The following DLGAP2 variants were observed in gnomAD, a reference collection of about 807,000 sequenced individuals.
DLGAP2 encodes the protein disks large-associated protein 2.
In DLGAP2, 26 loss-of-function variants were observed where a neutral mutation model predicts 100.3. The ratio of observed to expected loss-of-function variants is 0.26; its 90% CI spans 0.19 to 0.36. DLGAP2 has a LOEUF of 0.36. Ranked by LOEUF, DLGAP2 falls within the 10% of genes least tolerant of loss-of-function variation. The probability of loss-of-function intolerance (pLI) is 1.00; values close to 1 mark genes in which losing one functional copy is unlikely to be tolerated. For synonymous variants in DLGAP2, 886 were observed against 630.1 expected, an observed-to-expected ratio of 1.41 and a Z score of -6.08; for missense variants, 1,858 against 1,453.2, an observed-to-expected ratio of 1.28 and a Z score of -4.53.
At chr8:776,788 A>G (rs528951884) in intron 1 of DLGAP2, among the ~76,000 whole-genome samples, 1 of 152,168 alleles carries the variant, frequency 6.6e-6, no homozygotes, top group South Asian at 2.1e-4. Flanking sequence ...TCAGTTTTGG[A>G]ATAGGTGTGG....
chr8:1,668,898 G>T (rs749376798), intron 9 of DLGAP2, among the ~76,000 whole-genome samples: 1 of 152,128 alleles, frequency 6.6e-6, no homozygotes, highest in Non-Finnish European at 1.5e-5. Context: ...CCAGTGCAGG[G>T]CTGAAGGAAA....
chr8:812,997 C>T (rs796435431), intron 1 of DLGAP2, among the ~76,000 whole-genome samples: 15 of 152,216 alleles, frequency 9.9e-5, no homozygotes, highest in South Asian at 4.2e-4. Context: ...GGCTGTGTGT[C>T]GTGTAAGTGA....
intron 3 of DLGAP2, among the ~76,000 whole-genome samples, chr8:1,432,354 A>G (rs1797476718): frequency 6.6e-6 from 1 of 152,246 alleles, no homozygotes; most frequent in African/African-American, 2.4e-5. Context: ...CCTTAAAAAA[A>G]TAATGGTAGA....
chr8:980,453 C>G (rs887256849), intron 2 of DLGAP2, among the ~76,000 whole-genome samples: 16 of 152,216 alleles, frequency 1.1e-4, no homozygotes, highest in African/African-American at 3.9e-4. Flanking sequence ...ACAATTGAGC[C>G]AAGTTTCCAT....
intron 2 of DLGAP2, among the ~76,000 whole-genome samples, chr8:1,220,433 T>C (rs1483774893): frequency 6.7e-6 from 1 of 148,176 alleles, no homozygotes; most frequent in East Asian, 2.0e-4. Flanking sequence ...TTCTTGGTGT[T>C]GATCTCTGTT....
At position 1,548,681 on chromosome 8, in the gene DLGAP2, C is replaced by T. The variant is rs755676719; in HGVS notation, c.228C>T (p.Pro76=). The change falls in exon 5 of 15, where the codon CCC becomes CCT. Residue 76 remains proline, a synonymous_variant. Transcript: ENST00000637795. ...ACTTCAATGAGGAGCGCTACTCGCC[C>T]GCGCCCAGGAGCATGAAGGGCCTTT... ...TQHFNEERYS[P]APRSMKGLSG... 1.9e-6 allele frequency: 3 copies of T among 1,601,818 alleles called. No homozygotes were observed. The highest frequency in any genetic ancestry group is 2.2e-5 in the East Asian group (1 of 44,564).
intron 1 of DLGAP2, among the ~76,000 whole-genome samples, chr8:805,419 G>A (rs369993295): frequency 6.6e-6 from 1 of 152,050 alleles, no homozygotes; most frequent in East Asian, 1.9e-4. Flanking sequence ...CATCTTTGGG[G>A]CCACTACGTT....
chr8:1,313,843 C>G (rs1170698743), intron 3 of DLGAP2, among the ~76,000 whole-genome samples: 2 of 152,068 alleles, frequency 1.3e-5, no homozygotes, highest in African/African-American at 4.8e-5. Context: ...TGATAACCAT[C>G]CCCCTCTCAT....
chr8:1,511,459 G>A lies in DLGAP2; in HGVS notation c.172+10028G>A, dbSNP rs371059565. ...GATGACCATCTTCCATGGACGTAAG[G>A]GCTGTCTAGTGTAGGACAATCAATA... On this transcript the variant is annotated intron_variant, in intron 4 of 14. Coordinates refer to ENST00000637795, the MANE Select transcript of DLGAP2 (RefSeq NM_001346810.2). 4.0e-5 allele frequency among the ~76,000 whole-genome samples: 6 copies of A among 149,128 alleles called. No individual in the cohort carries two copies. The East Asian group carries it at 8.1e-4, about 20-fold the overall frequency.
chr8:1,245,428 A>C (rs901572438), intron 2 of DLGAP2, among the ~76,000 whole-genome samples: 1 of 152,226 alleles, frequency 6.6e-6, no homozygotes, highest in African/African-American at 2.4e-5. Context: ...GGAATGGAGC[A>C]CCGATGCATG....
chr8:985,293 T>C (rs1800454160), intron 2 of DLGAP2, among the ~76,000 whole-genome samples: 1 of 152,224 alleles, frequency 6.6e-6, no homozygotes. Flanking sequence ...CGGTCTCATG[T>C]AGAATGCTCA....
intron 2 of DLGAP2, among the ~76,000 whole-genome samples, chr8:1,005,271 A>G (rs1358331614): frequency 6.6e-6 from 1 of 152,144 alleles, no homozygotes; most frequent in African/African-American, 2.4e-5. Flanking sequence ...TCTTGGAGTG[A>G]ATCAGCCTTC....
intron 3 of DLGAP2, among the ~76,000 whole-genome samples, chr8:1,476,625 C>G (rs113563645): frequency 2.0e-5 from 3 of 152,190 alleles, no homozygotes; most frequent in Admixed American, 2.0e-4. Flanking sequence ...GTCTCTCCCC[C>G]TCTCCTGGAG....
At chr8:822,226 G>A in intron 1 of DLGAP2, 1 of 399,376 alleles carries the variant, frequency 2.5e-6, no homozygotes. Flanking sequence ...CTTCCTGTGT[G>A]TGTCCGTCTT....
chr8:1,049,115 T>C (rs1439371798), intron 2 of DLGAP2, among the ~76,000 whole-genome samples: 1 of 152,234 alleles, frequency 6.6e-6, no homozygotes, highest in Non-Finnish European at 1.5e-5. Context: ...GGGAAGCATC[T>C]TGTGGCGGGC....
chr8:1,030,951 C>T (rs1394005147), intron 2 of DLGAP2, among the ~76,000 whole-genome samples: 1 of 151,556 alleles, frequency 6.6e-6, no homozygotes, highest in South Asian at 2.1e-4. Flanking sequence ...GTGTCAGATC[C>T]ACACCGACTT....
intron 2 of DLGAP2, among the ~76,000 whole-genome samples, chr8:1,099,556 G>A (rs534793736): frequency 6.6e-6 from 1 of 152,356 alleles, no homozygotes; most frequent in South Asian, 2.1e-4. Flanking sequence ...GAGGGACTTC[G>A]TCCCTTTCAG....
chr8:957,078 A>G (rs1799613215), intron 2 of DLGAP2, among the ~76,000 whole-genome samples: 1 of 152,174 alleles, frequency 6.6e-6, no homozygotes, highest in Non-Finnish European at 1.5e-5. Flanking sequence ...AGCTCAGACC[A>G]TTTGCAAAGA....
At chr8:1,647,045 C>T (rs1195963424) in intron 8 of DLGAP2, among the ~76,000 whole-genome samples, 2 of 152,170 alleles carry the variant, frequency 1.3e-5, no homozygotes, top group African/African-American at 2.4e-5. Flanking sequence ...CATCTGACAG[C>T]GGTGCCGGGG....
Sources: allele counts gnomAD v4.1 joint callset (sites outside exome capture counted in the v4.1 genomes callset), GRCh38; gene constraint gnomAD v4.1.1; transcripts MANE v1.5; gene names NCBI Gene and HGNC (gene_info 2026-07-23, HGNC 2026-07-21).